The following PGM3 variants were observed in gnomAD, a reference collection of about 807,000 sequenced individuals.
The protein encoded by PGM3 is phosphoacetylglucosamine mutase.
PGM3 carries 40 observed loss-of-function variants against 66.2 expected under a neutral mutation model. That is an observed-to-expected ratio of 0.60 (90% CI 0.47 to 0.79). The LOEUF (loss-of-function observed/expected upper bound fraction) is 0.79, where lower values mean the gene tolerates loss of function less well. PGM3 is among the 30% of genes least tolerant of loss of function. The probability of loss-of-function intolerance (pLI) is 0.00; values close to 1 mark genes in which losing one functional copy is unlikely to be tolerated. For missense variants in PGM3, 537 were observed against 643.4 expected (o/e 0.83, Z 1.79); for synonymous variants, 191 against 224.2 (o/e 0.85, Z 1.32).
At chr6:83,154,011 T>C in the PGM3 span, 1 of 1,614,112 alleles carries the variant, frequency 6.2e-7, no homozygotes, top group South Asian at 1.1e-5. Context: ...TGGATCCCAG[T>C]TTCTTTCAGA....
chr6:83,154,891 TAC>T, the PGM3 span, among the ~76,000 whole-genome samples: 1 of 152,264 alleles, frequency 6.6e-6, no homozygotes, highest in South Asian at 2.1e-4. Context: ...TAGCTAAAGC[TAC>T]AGTTTTCTCA....
Position 83,181,859 on chromosome 6 carries a change from T to A in PGM3, c.664A>T (p.Arg222Trp). The change falls in exon 6 of 13, where the codon AGG becomes TGG. Residue 222 changes from arginine to tryptophan, a missense_variant. Physicochemically the swap from Arg to Trp is moderately radical, Grantham distance 101 (BLOSUM62 -3). Coordinates refer to ENST00000513973, the MANE Select transcript of PGM3 (RefSeq NM_015599.3). ...TGTGAGAAGTAGTGTTCCATTTCCC[T>A]TAGCTTCAGGGCCCCTATGCCATTT... is the stretch of plus-strand genomic sequence containing the variant. ...CANGIGALKL[R>W]EMEHYFSQGL... 6.2e-7 allele frequency: 1 copy of A among 1,613,964 alleles called. No individual in the cohort carries two copies. Among genetic ancestry groups the A allele is most frequent in the Non-Finnish European group, 8.5e-7 (1 of 1,179,848 alleles).
In PGM3 at chr6:83,168,370, G is replaced by A. The variant is rs1583235326; in HGVS notation, c.*864C>T. The A allele has an allele frequency of 7.2e-7, 1 of 1,380,648 alleles. No homozygotes were observed. The highest frequency in any genetic ancestry group is 2.8e-5 in the East Asian group (1 of 35,998). The allele number at this position is 1,380,648 out of a possible 1,614,324, so 85.5% of individuals were successfully genotyped here. A position where few individuals can be genotyped will look rare whatever the true frequency, so the allele number is the denominator to read the frequency against. ...AATATTGTTGGCTCATACTGATTAT[G>A]GTGCCTAAGAGAGCTATATATATAC... On this transcript the variant is annotated 3_prime_UTR_variant, in exon 13 of 13. Coordinates refer to ENST00000513973, the MANE Select transcript of PGM3 (RefSeq NM_015599.3).
chr6:83,174,301 C>T, intron 10 of PGM3, 73 bp downstream of exon 10: 1 of 797,458 alleles, frequency 1.3e-6, no homozygotes, highest in South Asian at 1.6e-5. Context: ...TTTGTATGCA[C>T]CCACACTCTG....
chr6:83,165,763 T>C lies in PGM3; in HGVS notation c.*3471A>G, dbSNP rs141069710. ...CCCAATTAGTTCAATTTTCGAAGCGTTGGTTGTGCAACGTGCGGCCCAGTG... is the reference window on the plus strand; with the variant it reads ...CCCAATTAGTTCAATTTTCGAAGCGCTGGTTGTGCAACGTGCGGCCCAGTG... On this transcript the variant is annotated 3_prime_UTR_variant, in exon 13 of 13. Coordinates refer to ENST00000513973, the MANE Select transcript of PGM3 (RefSeq NM_015599.3). 8.3e-6 allele frequency: 2 copies of C among 242,284 alleles called. No homozygotes were observed. The highest frequency in any genetic ancestry group is 5.1e-5 in the South Asian group (1 of 19,750). 15.0% of individuals were successfully genotyped at this position (242,284 alleles called of 1,614,324 possible). A position where few individuals can be genotyped will look rare whatever the true frequency, so the allele number is the denominator to read the frequency against.
intron 7 of PGM3, among the ~76,000 whole-genome samples, chr6:83,179,494 TATTAGA>T (rs1389386419): frequency 6.6e-6 from 1 of 152,144 alleles, no homozygotes; most frequent in African/African-American, 2.4e-5. Flanking sequence ...TGAGATTTCC[TATTAGA>T]ATTTAGGGCT....
chr6:83,153,764 T>C, the PGM3 span: 1 of 1,197,474 alleles, frequency 8.4e-7, no homozygotes, highest in Non-Finnish European at 1.1e-6. Flanking sequence ...TCATATATTA[T>C]TTTTCTTATG....
intron 12 of PGM3, 127 bp from the exon 13 acceptor site, chr6:83,169,450 C>A: frequency 9.1e-7 from 1 of 1,102,972 alleles, no homozygotes; most frequent in Non-Finnish European, 1.3e-6. Context: ...CTAACAAATT[C>A]TAATGAAAAC....
At chr6:83,173,670 C>G (rs1392304032) in intron 10 of PGM3, among the ~76,000 whole-genome samples, 1 of 152,122 alleles carries the variant, frequency 6.6e-6, no homozygotes, top group Non-Finnish European at 1.5e-5. Flanking sequence ...TACTGCTTTT[C>G]CATAGCCAAA....
Position 83,166,520 on chromosome 6 carries a change from A to G in PGM3, c.*2714T>C, listed in dbSNP as rs1785670082. On this transcript the variant is annotated 3_prime_UTR_variant, in exon 13 of 13. Transcript: ENST00000513973. ...TTGATTTTTGTCTAACATCATTTCCATAGTCTAAAATAAATATAAACAGCA... is the reference window on the plus strand; with the variant it reads ...TTGATTTTTGTCTAACATCATTTCCGTAGTCTAAAATAAATATAAACAGCA... 1.5e-6 allele frequency: 1 copy of G among 681,286 alleles called. No homozygotes were observed. The highest frequency in any genetic ancestry group is 1.6e-5 in the South Asian group (1 of 61,864). 42.2% of individuals were successfully genotyped at this position (681,286 alleles called of 1,614,324 possible).
intron 11 of PGM3, among the ~76,000 whole-genome samples, chr6:83,171,509 T>A (rs943027113): frequency 6.6e-6 from 1 of 152,228 alleles, no homozygotes; most frequent in Admixed American, 6.5e-5. Context: ...TTTTTTGTTT[T>A]GAGACGGAGT....
At chr6:83,191,958 CAAAAAAAAAAAAAAA>C (rs1219337174) in intron 1 of PGM3, among the ~76,000 whole-genome samples, 1 of 39,364 alleles carries the variant, frequency 2.5e-5, no homozygotes, top group Non-Finnish European at 4.6e-5. Flanking sequence ...GACTCGGTCT[CAAAAAAAAAAAAAAA>C]AAAAAAAAAC....
chr6:83,178,812 AAT>A, intron 7 of PGM3, 56 bp from the exon 8 acceptor site: 1 of 1,022,546 alleles, frequency 9.8e-7, no homozygotes. Flanking sequence ...TACAAAAACA[AAT>A]ATAATGAGAG....
At chr6:83,182,817 C>T (rs762846363) in intron 5 of PGM3, 28 bp downstream of exon 5, 2 of 1,604,590 alleles carry the variant, frequency 1.2e-6, no homozygotes. Flanking sequence ...ATTTGTTTAA[C>T]TTTAACCATG....
chr6:83,168,333 G>A lies in PGM3; in HGVS notation c.*901C>T, dbSNP rs1786351764. The A allele has an allele frequency of 2.8e-6, 4 of 1,414,894 alleles. No individual in the cohort carries two copies. In the South Asian group the frequency reaches 6.3e-5, roughly 22 times the overall value. The allele number at this position is 1,414,894 out of a possible 1,614,324, so 87.6% of individuals were successfully genotyped here. ...AAGAGCAAATGTCTGAATGTGGCCT[G>A]AATCAAGTTTAAATATTGTTGGCTC... On this transcript the variant is annotated 3_prime_UTR_variant, in exon 13 of 13. Coordinates refer to ENST00000513973, the MANE Select transcript of PGM3 (RefSeq NM_015599.3).
intron 11 of PGM3, chr6:83,171,205 G>C (rs913809112): frequency 5.3e-5 from 8 of 152,056 alleles, no homozygotes; most frequent in African/African-American, 1.9e-4. Flanking sequence ...TATTGGGAGG[G>C]GGTATGAAGA....
the PGM3 span, chr6:83,153,604 T>C: frequency 6.3e-7 from 1 of 1,598,870 alleles, no homozygotes; most frequent in South Asian, 1.1e-5. Context: ...TGTTGTGCCC[T>C]ACCTCAGAAA....
chr6:83,153,647 A>T, the PGM3 span: 4 of 1,515,030 alleles, frequency 2.6e-6, no homozygotes, highest in South Asian at 3.8e-5. Flanking sequence ...AATAGTTTTT[A>T]AAATTAATTC....
chr6:83,156,198 T>C (rs902243613), downstream of PGM3: 11 of 984,254 alleles, frequency 1.1e-5, no homozygotes, highest in South Asian at 1.7e-5. Flanking sequence ...GTAAAATATA[T>C]CAAGTGTAGA....
Sources: gnomAD v4.1 joint callset for allele counts (sites outside exome capture counted in the v4.1 genomes callset) on GRCh38, gnomAD v4.1.1 for gene constraint, MANE v1.5 for transcripts, NCBI Gene and HGNC (gene_info 2026-07-23, HGNC 2026-07-21) for gene names.